TMC4: variants seen among roughly 807,000 people sequenced by gnomAD.
The protein encoded by TMC4 is transmembrane channel like 4, also known as voltage-gated chloride channel TMC4.
Under a neutral mutation model 82.0 loss-of-function variants are expected in TMC4, and 70 were observed. That is an observed-to-expected ratio of 0.85 (90% confidence interval 0.70 to 1.04). TMC4 has a LOEUF of 1.04. TMC4 is among the 50% of genes least tolerant of loss of function. The pLI, the probability that TMC4 is intolerant of heterozygous loss-of-function variation, is 0.00. For synonymous variants in TMC4, 446 were observed against 406.0 expected (o/e 1.10, Z -1.18); for missense variants, 879 against 899.0 (o/e 0.98, Z 0.28).
chr19:54,163,311 T>TC (rs1555821174), intron 8 of TMC4, 152 bp from the exon 9 acceptor site: 222 of 167,742 alleles, frequency 1.3e-3, no homozygotes, highest in Middle Eastern at 2.7e-3. Context: ...TTTCTTTCTT[T>TC]TTTTTTTTTT....
At chr19:54,163,506 T>C in intron 8 of TMC4, 1 of 628,506 alleles carries the variant, frequency 1.6e-6, no homozygotes, top group South Asian at 1.9e-5. Flanking sequence ...CGGGGTTTCA[T>C]CATGTTTGTC....
chr19:54,160,982 C>G lies in TMC4; in HGVS notation c.1869G>C (p.Trp623Cys). The G allele has an allele frequency of 6.2e-7, 1 of 1,614,124 alleles. No homozygotes were observed. The highest frequency in any genetic ancestry group is 8.5e-7 in the Non-Finnish European group (1 of 1,180,018). ...TGGAAATAGACTCAGGGATCTGGGC[C>G]CAGATGGACGACTGCCCCCGGAATG... The part of the protein sequence containing the change: ...CGPFRGQSSI[W>C]AQIPESISSL... The change falls in exon 13 of 15, where the codon TGG (tryptophan) becomes TGC (cysteine). Residue 623 changes from tryptophan (W) to cysteine (C), a missense_variant. Physicochemically the swap from Trp to Cys is radical, Grantham distance 215. Coordinates refer to ENST00000619895, the MANE Select transcript of TMC4 (RefSeq NM_144686.4).
chr19:54,162,378 C>T, intron 10 of TMC4, 93 bp from the exon 11 acceptor site: 3 of 417,298 alleles, frequency 7.2e-6, no homozygotes, highest in East Asian at 8.2e-5. Flanking sequence ...AGGAAGCATG[C>T]GTATTGGTGG....
chr19:54,164,528 A>G lies in TMC4; in HGVS notation c.1019T>C (p.Leu340Ser). 1 of 1,613,812 alleles carries G rather than the reference A, an allele frequency of 6.2e-7. No homozygotes were observed. Among genetic ancestry groups the G allele is most frequent in the Non-Finnish European group, 8.5e-7 (1 of 1,179,982 alleles). The change falls in exon 7 of 15, where the codon TTG becomes TCG. Residue 340 changes from leucine to serine, a missense_variant. Coordinates refer to ENST00000619895, the MANE Select transcript of TMC4 (RefSeq NM_144686.4). The stretch of plus-strand genomic sequence containing the variant: ...CAGCAGGTTGAGCAGCACCCGCACC[A>G]ACCAAACCCTGGCTTGCTGGCCCAG... ...RTLGQQARVW[L>S]VRVLLNLLVV... is the part of the protein sequence containing the mutation.
intron 7 of TMC4, 99 bp downstream of exon 7, chr19:54,164,335 T>C: frequency 7.0e-7 from 1 of 1,426,886 alleles, no homozygotes; most frequent in Non-Finnish European, 9.5e-7. Context: ...ATACTTCCTC[T>C]CTAAGATCTC....
chr19:54,161,389 C>G lies in TMC4; in HGVS notation c.1687-129G>C, dbSNP rs566801380. The G allele has an allele frequency of 1.0e-3, 1,142 of 1,097,840 alleles. 1 individual carries two copies. The highest frequency in any genetic ancestry group is 1.3e-3 in the Non-Finnish European group (1,032 of 824,972). 68.0% of individuals were successfully genotyped at this position (1,097,840 alleles called of 1,614,324 possible). On this transcript the variant is annotated intron_variant, in intron 11 of 14. Transcript: ENST00000619895. Reference sequence around the variant, plus strand: ...GGCTTTTTTTTTTGAGACAGAGTCTCGCTCTGTCGCCCAGGCTGGAGTGCA... The same window carrying G: ...GGCTTTTTTTTTTGAGACAGAGTCTGGCTCTGTCGCCCAGGCTGGAGTGCA...
rs201658872 is a variant in TMC4 at position 54,164,541 on chromosome 19, C to T, written c.1006G>A (p.Ala336Thr). The T allele has an allele frequency of 2.0e-4, 315 of 1,613,838 alleles. No individual in the cohort carries two copies. Among genetic ancestry groups the T allele is most frequent in the Non-Finnish European group, 1.9e-4 (229 of 1,180,020 alleles). ...QAAVRTLGQQ[A>T]RVWLVRVLLN... is the part of the protein sequence containing the mutation. ...AGCACCCGCACCAACCAAACCCTGG[C>T]TTGCTGGCCCAGCGTCCGCACCGCA... The change falls in exon 7 of 15, where the codon GCC becomes ACC. Residue 336 changes from alanine (A) to threonine (T), a missense_variant. Physicochemically the swap from Ala to Thr is moderately conservative, Grantham distance 58 (BLOSUM62 0). Transcript: ENST00000619895.
In TMC4 at chr19:54,172,062, A is replaced by G; in HGVS notation, c.101T>C (p.Leu34Pro). ...GGTGGCAGCACTGGGCAGCTCGTTC[A>G]GCACAGAAGACAGCGATGGGCCTGG... ...ARGGPSLSSV[L>P]NELPSAATLR... Residue 34 changes from leucine (L) to proline (P), a missense_variant, in exon 2 of 15, where the codon CTG becomes CCG. By Grantham distance (98) the Leu-to-Pro change is moderately conservative. Coordinates refer to ENST00000619895, the MANE Select transcript of TMC4 (RefSeq NM_144686.4). 2 of 1,606,494 alleles carry G rather than the reference A, an allele frequency of 1.2e-6. No individual in the cohort carries two copies. The highest frequency in any genetic ancestry group is 1.7e-6 in the Non-Finnish European group (2 of 1,175,654).
chr19:54,160,590 T>C, intron 13 of TMC4, 45 bp from the exon 14 acceptor site: 2 of 1,613,452 alleles, frequency 1.2e-6, no homozygotes, highest in African/African-American at 2.7e-5. Flanking sequence ...CGCTCTTCCA[T>C]TATATCCAAA....
chr19:54,162,935 A>C, intron 9 of TMC4, 98 bp downstream of exon 9: 1 of 1,592,212 alleles, frequency 6.3e-7, no homozygotes, highest in East Asian at 2.2e-5. Flanking sequence ...CCAGCACCCC[A>C]AGCTCCCCTC....
Position 54,160,132 on chromosome 19 carries a change from G to T in TMC4, c.*174C>A. The T allele has an allele frequency of 2.9e-6, 2 of 678,630 alleles. No individual in the cohort carries two copies. The highest frequency in any genetic ancestry group is 4.6e-6 in the Non-Finnish European group (2 of 437,428). 42.0% of individuals were successfully genotyped at this position (678,630 alleles called of 1,614,324 possible). On this transcript the variant is annotated 3_prime_UTR_variant, in exon 15 of 15. Transcript: ENST00000619895. ...CTCAGCAACCTCGGCTGTATTTATT[G>T]ATACAAGGAAGATCACCCGAGAGTC... is the stretch of plus-strand genomic sequence containing the variant.
chr19:54,163,561 G>C (rs1456501858), intron 8 of TMC4, 163 bp downstream of exon 8: 11 of 843,972 alleles, frequency 1.3e-5, no homozygotes, highest in East Asian at 2.5e-5. Context: ...CTCCCAAAGT[G>C]CTGGGATTAC....
intron 5 of TMC4, among the ~76,000 whole-genome samples, chr19:54,167,844 C>T (rs974248768): frequency 1.3e-5 from 2 of 151,754 alleles, no homozygotes; most frequent in African/African-American, 2.4e-5. Context: ...GGGTGGATCA[C>T]GAGGTCAGCA....
chr19:54,166,144 C>A (rs140807869), intron 5 of TMC4, among the ~76,000 whole-genome samples: 1 of 150,644 alleles, frequency 6.6e-6, no homozygotes, highest in African/African-American at 2.4e-5. Flanking sequence ...TTTGGGAGGC[C>A]GAGGGGGGAG....
rs2075732807 is a variant in TMC4 at position 54,167,506 on chromosome 19, C to T, written c.797+665G>A. On this transcript the variant is annotated intron_variant, in intron 5 of 14. Coordinates refer to ENST00000619895, the MANE Select transcript of TMC4 (RefSeq NM_144686.4). ...CCCGGGAGGTGGAGGTTGCAGTGAG[C>T]CAAGATCGTGCCATTGCACTCCAGC... Among the ~76,000 whole-genome samples, 3 of 151,378 alleles carry T rather than the reference C, an allele frequency of 2.0e-5. No individual in the cohort carries two copies. In the East Asian group the frequency reaches 5.9e-4, roughly 30 times the overall value.
At chr19:54,168,095 G>A (rs1194218543) in intron 5 of TMC4, 76 bp downstream of exon 5, 11 of 1,470,644 alleles carry the variant, frequency 7.5e-6, no homozygotes, top group African/African-American at 4.3e-5. Flanking sequence ...TCTTGGGGAG[G>A]GGGTTTCTGC....
Position 54,173,032 on chromosome 19 carries a change from T to G in TMC4, c.79+7A>C, listed in dbSNP as rs371428752. 1.2e-4 allele frequency: 195 copies of G among 1,610,638 alleles called. No individual in the cohort carries two copies. Among genetic ancestry groups the G allele is most frequent in the Non-Finnish European group, 1.3e-4 (155 of 1,178,462 alleles). On this transcript the variant is annotated splice_region_variant and intron_variant, in intron 1 of 14. Coordinates refer to ENST00000619895, the MANE Select transcript of TMC4 (RefSeq NM_144686.4). ...GATGGATCTGAGCTTCTCCTGGCAT[T>G]CCCTACCTCCTCTGGCCTCCCGGGG...
At chr19:54,172,620 C>A in intron 1 of TMC4, 1 of 291,914 alleles carries the variant, frequency 3.4e-6, no homozygotes, top group Non-Finnish European at 6.2e-6. Context: ...CCCCTCCTCC[C>A]TCAGGCCCAG....
chr19:54,172,989 C>T (rs761928383), intron 1 of TMC4, 50 bp downstream of exon 1: 132 of 1,548,950 alleles, frequency 8.5e-5, no homozygotes, highest in Non-Finnish European at 1.1e-4. Flanking sequence ...GCAGGACTCC[C>T]ACCTAGCCTG....
Sources: gnomAD v4.1 joint callset for allele counts (sites outside exome capture counted in the v4.1 genomes callset) on GRCh38, gnomAD v4.1.1 for gene constraint, MANE v1.5 for transcripts, NCBI Gene and HGNC (gene_info 2026-07-23, HGNC 2026-07-21) for gene names.